Variants in GNPTAB observed in about 807,000 individuals in gnomAD.
The protein encoded by GNPTAB is N-acetylglucosamine-1-phosphate transferase subunits alpha and beta.
In GNPTAB, 92 loss-of-function variants were observed where a neutral mutation model predicts 136.6. That is an observed-to-expected ratio of 0.67 (90% CI 0.57 to 0.80). The LOEUF (loss-of-function observed/expected upper bound fraction) is 0.80. Among genes scored for constraint, GNPTAB ranks in the 30% least tolerant of loss-of-function variants. GNPTAB has a pLI of 0.00. For missense variants in GNPTAB, 1,343 were observed against 1,501.8 expected (o/e 0.89, Z 1.75); for synonymous variants, 512 against 535.1 (o/e 0.96, Z 0.60).
At chr12:101,810,117 T>C (rs909844576) in intron 1 of GNPTAB, among the ~76,000 whole-genome samples, 1 of 151,910 alleles carries the variant, frequency 6.6e-6, no homozygotes, top group African/African-American at 2.4e-5. Flanking sequence ...AGGTGTAGTG[T>C]GTGCCTGTAC....
At chr12:101,771,646 A>G (rs17725026) in intron 7 of GNPTAB, among the ~76,000 whole-genome samples, 5,779 of 152,324 alleles carry the variant, frequency 0.038, 160 homozygotes, top group South Asian at 0.061. Flanking sequence ...ATAGGCGTCT[A>G]AAAACAAGAA....
chr12:101,756,573 C>CA (rs1353646130), intron 18 of GNPTAB: 5 of 273,908 alleles, frequency 1.8e-5, no homozygotes, highest in South Asian at 5.9e-5. Context: ...GATCCTGTCT[C>CA]AAAAAAATAT....
At chr12:101,802,213 A>AAAAAG (rs1427488847) in intron 1 of GNPTAB, among the ~76,000 whole-genome samples, 18 of 144,986 alleles carry the variant, frequency 1.2e-4, no homozygotes, top group South Asian at 4.2e-4. Flanking sequence ...AAAAAAAAAA[A>AAAAAG]AAAAGAAAAG....
chr12:101,813,883 A>G (rs1016419878), intron 1 of GNPTAB, among the ~76,000 whole-genome samples: 2 of 152,142 alleles, frequency 1.3e-5, no homozygotes. Context: ...GTTTGAGACC[A>G]GCCTGGCCAA....
At chr12:101,807,137 C>T (rs1869971042) in intron 1 of GNPTAB, among the ~76,000 whole-genome samples, 1 of 152,158 alleles carries the variant, frequency 6.6e-6, no homozygotes, top group Non-Finnish European at 1.5e-5. Flanking sequence ...AACCAAAAAT[C>T]AATTCATAAA....
At chr12:101,814,688 C>T (rs1468163310) in intron 1 of GNPTAB, among the ~76,000 whole-genome samples, 1 of 152,028 alleles carries the variant, frequency 6.6e-6, no homozygotes, top group African/African-American at 2.4e-5. Context: ...CAGAGCAAGA[C>T]TCCATCTCAT....
chr12:101,790,139 C>T, intron 2 of GNPTAB, 82 bp from the exon 3 acceptor site: 1 of 1,586,988 alleles, frequency 6.3e-7, no homozygotes, highest in Non-Finnish European at 8.6e-7. Context: ...GGTTTAAACC[C>T]AGAGATTATG....
Position 101,746,705 on chromosome 12 carries a change from ATAACTAGTTAACTTAG to A in GNPTAB, c.*443_*458del, listed in dbSNP as rs1282933613. 4 of 162,748 alleles carry A rather than the reference ATAACTAGTTAACTTAG, an allele frequency of 2.5e-5. No homozygotes were observed. The highest frequency in any genetic ancestry group is 9.6e-5 in the African/African-American group (4 of 41,668). The allele number at this position is 162,748 out of a possible 1,614,324, so 10.1% of individuals were successfully genotyped here. A position where few individuals can be genotyped will look rare whatever the true frequency, so the allele number is the denominator to read the frequency against. Reference sequence around the variant, plus strand: ...CAATTCGTTATACTCAGAAGCAAGAATAACTAGTTAACTTAGTAACTACTTAAAAATGGGAAATGAA... The same window carrying A: ...CAATTCGTTATACTCAGAAGCAAGAATAACTACTTAAAAATGGGAAATGAA... On this transcript the variant is annotated 3_prime_UTR_variant, in exon 21 of 21. Transcript: ENST00000299314.
In GNPTAB at chr12:101,764,812, A is replaced by G. The variant is rs1368401652; in HGVS notation, c.2105T>C (p.Leu702Pro). 2 of 1,614,206 alleles carry G rather than the reference A, an allele frequency of 1.2e-6. No individual in the cohort carries two copies. The highest frequency in any genetic ancestry group is 1.7e-6 in the Non-Finnish European group (2 of 1,180,030). Residue 702 changes from leucine (L) to proline (P), a missense_variant, in exon 13 of 21, where the codon CTC becomes CCC. By Grantham distance (98) the Leu-to-Pro change is moderately conservative. Coordinates refer to ENST00000299314, the MANE Select transcript of GNPTAB (RefSeq NM_024312.5). The stretch of plus-strand genomic sequence containing the variant: ...ACTCAACTGGGCGTCTTTTGGAAGG[A>G]GTGAAATATTTACCAGGGGAATTTT... ...EVKIPLVNIS[L>P]LPKDAQLSLN... is the part of the protein sequence containing the mutation.
At chr12:101,798,110 T>C (rs1203767577) in intron 1 of GNPTAB, among the ~76,000 whole-genome samples, 1 of 152,192 alleles carries the variant, frequency 6.6e-6, no homozygotes, top group Non-Finnish European at 1.5e-5. Flanking sequence ...TTCACCACTT[T>C]AGTGGCCTTA....
chr12:101,760,867 C>A (rs1952981527), intron 15 of GNPTAB, among the ~76,000 whole-genome samples: 1 of 151,430 alleles, frequency 6.6e-6, no homozygotes, highest in Admixed American at 6.6e-5. Flanking sequence ...GCAACCTCCA[C>A]CTCCCAGGGT....
intron 1 of GNPTAB, among the ~76,000 whole-genome samples, chr12:101,803,732 T>C (rs1869776892): frequency 6.6e-6 from 1 of 152,232 alleles, no homozygotes; most frequent in Non-Finnish European, 1.5e-5. Flanking sequence ...AACATTTATT[T>C]GCATGAAATG....
rs149390820 is a variant in GNPTAB at position 101,765,143 on chromosome 12, C to T, written c.1774G>A (p.Ala592Thr). The T allele has an allele frequency of 1.1e-4, 170 of 1,614,018 alleles. No homozygotes were observed. The highest frequency in any genetic ancestry group is 1.6e-4 in the Middle Eastern group (1 of 6,084). Residue 592 changes from alanine (A) to threonine (T), a missense_variant, in exon 13 of 21, where the codon GCC becomes ACC. By Grantham distance (58) the Ala-to-Thr change is moderately conservative. Transcript: ENST00000299314. The part of the protein sequence containing the change: ...DNPIIRHASI[A>T]NKWKTIHLIM... ...AGGTGGATGGTTTTCCACTTGTTGG[C>T]AATAGAAGCATGTCGAATTATTGGA...
chr12:101,784,405 C>G (rs143535061), intron 5 of GNPTAB, among the ~76,000 whole-genome samples: 3,016 of 152,232 alleles, frequency 0.02, 62 homozygotes, highest in Admixed American at 0.07. Context: ...TGGGGATCAA[C>G]TGACAAAATC....
chr12:101,813,937 G>A lies in GNPTAB; in HGVS notation c.117+16622C>T, dbSNP rs991892071. On this transcript the variant is annotated intron_variant, in intron 1 of 20. Coordinates refer to ENST00000299314, the MANE Select transcript of GNPTAB (RefSeq NM_024312.5). ...CTACTAAAAACACAAAAATTAGCCA[G>A]GTGTGGTGGCATGCACCTGTAGTCC... Among the ~76,000 whole-genome samples, 21 of 152,276 alleles carry A rather than the reference G, an allele frequency of 1.4e-4. No homozygotes were observed. The East Asian group carries it at 4.1e-3, about 29-fold the overall frequency.
chr12:101,787,245 C>T (rs1868707160), intron 4 of GNPTAB, among the ~76,000 whole-genome samples: 1 of 151,968 alleles, frequency 6.6e-6, no homozygotes, highest in African/African-American at 2.4e-5. Flanking sequence ...TACAGAAATG[C>T]CCAACATTTA....
At chr12:101,816,322 T>C (rs949752960) in intron 1 of GNPTAB, among the ~76,000 whole-genome samples, 2 of 152,122 alleles carry the variant, frequency 1.3e-5, no homozygotes, top group Non-Finnish European at 2.9e-5. Context: ...TCAGAATATA[T>C]AAGGAACTCA....
intron 1 of GNPTAB, among the ~76,000 whole-genome samples, chr12:101,819,084 T>C (rs1870668142): frequency 1.3e-5 from 2 of 152,042 alleles, no homozygotes; most frequent in African/African-American, 4.8e-5. Context: ...CGATCTTGGC[T>C]TACTGCAACC....
chr12:101,804,513 T>C (rs1869829983), intron 1 of GNPTAB, among the ~76,000 whole-genome samples: 1 of 152,210 alleles, frequency 6.6e-6, no homozygotes, highest in Non-Finnish European at 1.5e-5. Context: ...ATGTTTGAGT[T>C]CTTGTTATAA....
Sources: allele counts gnomAD v4.1 joint callset (sites outside exome capture counted in the v4.1 genomes callset), GRCh38; gene constraint gnomAD v4.1.1; transcripts MANE v1.5; gene names NCBI Gene and HGNC (gene_info 2026-07-23, HGNC 2026-07-21).